TMEM51: variants seen among roughly 807,000 people sequenced by gnomAD.
TMEM51 encodes the protein chromosome 1 open reading frame 72.
Under a neutral mutation model 13.6 loss-of-function variants are expected in TMEM51, and 8 were observed. The ratio of observed to expected loss-of-function variants is 0.59; its 90% CI spans 0.35 to 1.07. TMEM51 has a LOEUF of 1.07. Among genes scored for constraint, TMEM51 ranks in the 50% least tolerant of loss-of-function variants. The probability of loss-of-function intolerance (pLI) is 0.02; values close to 1 mark genes in which losing one functional copy is unlikely to be tolerated. For missense variants in TMEM51, 279 were observed against 330.7 expected (o/e 0.84, Z 1.21); for synonymous variants, 147 against 144.4 (o/e 1.02, Z -0.13).
intron 1 of TMEM51, among the ~76,000 whole-genome samples, chr1:15,175,507 C>A (rs1434592473): frequency 8.5e-5 from 13 of 152,222 alleles, no homozygotes; most frequent in Admixed American, 5.9e-4. Context: ...ATTTCTGCCT[C>A]AGGGCCTTTG....
chr1:15,219,071 ACCTGT>A (rs146176561), intron 3 of TMEM51, among the ~76,000 whole-genome samples: 23,206 of 152,146 alleles, frequency 0.15, 1,938 homozygotes, highest in East Asian at 0.3. Context: ...TTGGGGACTC[ACCTGT>A]CCTGTCCTGC....
At chr1:15,183,884 A>G (rs1448141701) in intron 1 of TMEM51, among the ~76,000 whole-genome samples, 4 of 152,256 alleles carry the variant, frequency 2.6e-5, no homozygotes, top group Non-Finnish European at 4.4e-5. Flanking sequence ...ACAGATGAGA[A>G]GAAGCCAGCG....
chr1:15,189,075 G>A (rs1643867332), intron 1 of TMEM51, among the ~76,000 whole-genome samples: 1 of 152,074 alleles, frequency 6.6e-6, no homozygotes, highest in Non-Finnish European at 1.5e-5. Context: ...GAATCTCGCT[G>A]TGTTGCCCAG....
At chr1:15,198,369 T>C (rs1333448900) in intron 1 of TMEM51, among the ~76,000 whole-genome samples, 2 of 152,158 alleles carry the variant, frequency 1.3e-5, no homozygotes, top group Non-Finnish European at 2.9e-5. Flanking sequence ...CAGCTTACTA[T>C]GGAGGAAGGG....
chr1:15,160,276 T>C (rs1642730334), intron 1 of TMEM51, among the ~76,000 whole-genome samples: 1 of 152,044 alleles, frequency 6.6e-6, no homozygotes, highest in African/African-American at 2.4e-5. Flanking sequence ...TTTATTTTAT[T>C]TTATTTATTT....
intron 1 of TMEM51, chr1:15,192,171 G>A: frequency 2.5e-6 from 1 of 400,082 alleles, no homozygotes; most frequent in Non-Finnish European, 5.0e-6. Flanking sequence ...TCTTTAGTCT[G>A]CCGGCTGCAA....
chr1:15,208,731 G>A (rs1644291237), intron 1 of TMEM51, among the ~76,000 whole-genome samples: 1 of 152,140 alleles, frequency 6.6e-6, no homozygotes, highest in Non-Finnish European at 1.5e-5. Flanking sequence ...GTGGTAGGAA[G>A]TAGTTGGTGC....
intron 1 of TMEM51, among the ~76,000 whole-genome samples, chr1:15,157,278 G>A (rs888753230): frequency 3.3e-5 from 5 of 152,142 alleles, no homozygotes; most frequent in African/African-American, 7.2e-5. Flanking sequence ...TTACTTGGGC[G>A]GAGCAACCTA....
intron 3 of TMEM51, 131 bp downstream of exon 3, chr1:15,215,562 C>T (rs72642337): frequency 0.097 from 84,196 of 866,462 alleles, 4,837 homozygotes; most frequent in Non-Finnish European, 0.12. Context: ...TCGCCCATGA[C>T]GCCTCTGTCA....
upstream of TMEM51, among the ~76,000 whole-genome samples, chr1:15,153,445 G>A (rs902134423): frequency 6.6e-6 from 1 of 152,190 alleles, no homozygotes; most frequent in Non-Finnish European, 1.5e-5. Context: ...TGGGCCCTAG[G>A]GAGGAGGGGG....
At chr1:15,195,476 T>C (rs1418365376) in intron 1 of TMEM51, among the ~76,000 whole-genome samples, 2 of 152,146 alleles carry the variant, frequency 1.3e-5, no homozygotes, top group South Asian at 2.1e-4. Context: ...TTGAGTCCCA[T>C]AGAGTTTATT....
At chr1:15,154,752 C>G (rs536693536) in intron 1 of TMEM51, among the ~76,000 whole-genome samples, 2 of 152,300 alleles carry the variant, frequency 1.3e-5, no homozygotes, top group South Asian at 4.1e-4. Context: ...GCCCCTCCCC[C>G]ACGGTTTCCC....
intron 1 of TMEM51, among the ~76,000 whole-genome samples, chr1:15,182,016 C>T (rs1643629968): frequency 6.6e-6 from 1 of 151,986 alleles, no homozygotes; most frequent in Non-Finnish European, 1.5e-5. Context: ...CAAAAATTAG[C>T]TGGGCGTGGT....
intron 1 of TMEM51, among the ~76,000 whole-genome samples, chr1:15,183,884 A>C (rs1448141701): frequency 6.6e-6 from 1 of 152,256 alleles, no homozygotes; most frequent in African/African-American, 2.4e-5. Flanking sequence ...ACAGATGAGA[A>C]GAAGCCAGCG....
upstream of TMEM51, among the ~76,000 whole-genome samples, chr1:15,153,533 C>CT (rs1642467838): frequency 6.6e-6 from 1 of 151,992 alleles, no homozygotes; most frequent in Admixed American, 6.5e-5. Context: ...AGGCCCAGCC[C>CT]CCGGCACACG....
At chr1:15,155,686 G>A (rs1046846432) in intron 1 of TMEM51, among the ~76,000 whole-genome samples, 28 of 152,134 alleles carry the variant, frequency 1.8e-4, no homozygotes, top group African/African-American at 6.8e-4. Flanking sequence ...TGGGGAAGGT[G>A]CTCAGGCAGT....
intron 1 of TMEM51, among the ~76,000 whole-genome samples, chr1:15,180,103 G>A (rs966844683): frequency 6.6e-6 from 1 of 152,244 alleles, no homozygotes; most frequent in African/African-American, 2.4e-5. Flanking sequence ...GCATCTCCAT[G>A]CTCAGCAAGT....
chr1:15,168,389 C>T (rs946286284), intron 1 of TMEM51: 1 of 1,192,078 alleles, frequency 8.4e-7, no homozygotes, highest in African/African-American at 1.6e-5. Context: ...GAAGGAAGGA[C>T]TGTAGAGGCA....
Position 15,219,908 on chromosome 1 carries a change from T to C in TMEM51, c.*165T>C. 1.3e-6 allele frequency: 1 copy of C among 747,132 alleles called. No homozygotes were observed. Among genetic ancestry groups the C allele is most frequent in the Admixed American group, 2.9e-5 (1 of 34,200 alleles). 46.3% of individuals were successfully genotyped at this position (747,132 alleles called of 1,614,324 possible). A position where few individuals can be genotyped will look rare whatever the true frequency, so the allele number is the denominator to read the frequency against. ...GGATTCTCTGTATCAGGAGTGACTT[T>C]GTTGCCCCACACAGCCTCCTGCTGC... On this transcript the variant is annotated 3_prime_UTR_variant, in exon 4 of 4. Transcript: ENST00000376008.
Sources: gnomAD v4.1 joint callset for allele counts (sites outside exome capture counted in the v4.1 genomes callset) on GRCh38, gnomAD v4.1.1 for gene constraint, MANE v1.5 for transcripts, NCBI Gene and HGNC (gene_info 2026-07-23, HGNC 2026-07-21) for gene names.